Variants in AGBL1 observed in about 807,000 individuals in gnomAD.
AGBL1 encodes the protein cytosolic carboxypeptidase 4.
Under a neutral mutation model 118.9 loss-of-function variants are expected in AGBL1, and 130 were observed. The ratio of observed to expected loss-of-function variants is 1.09; its 90% CI spans 0.95 to 1.26. AGBL1 has a LOEUF of 1.26. Ranked by LOEUF, AGBL1 falls within the 50% of genes most tolerant of loss-of-function variation. The pLI is 0.00. For synonymous variants in AGBL1, 555 were observed against 478.9 expected, an observed-to-expected ratio of 1.16 and a Z score of -2.08; for missense variants, 1,584 against 1,298.1, an observed-to-expected ratio of 1.22 and a Z score of -3.38.
chr15:86,569,088 C>T (rs968707102), intron 21 of AGBL1, among the ~76,000 whole-genome samples: 5 of 151,822 alleles, frequency 3.3e-5, no homozygotes, highest in Non-Finnish European at 4.4e-5. Context: ...TTTCCAAATG[C>T]CTGTTTTGCC....
In AGBL1 at chr15:86,827,337, A is replaced by G. The variant is rs1381209885; in HGVS notation, c.3159-79750A>G. 1.9e-3 allele frequency among the ~76,000 whole-genome samples: 18 copies of G among 9,454 alleles called. 4 individuals are homozygous for G. The highest frequency in any genetic ancestry group is 0.015 in the African/African-American group (18 of 1,200). 6.2% of individuals were successfully genotyped at this position (9,454 alleles called of 152,430 possible). On this transcript the variant is annotated intron_variant, in intron 22 of 22. Coordinates refer to ENST00000614907, the MANE Select transcript of AGBL1 (RefSeq NM_001386094.1). ...TATATACACACACATATATATATAT[A>G]TGTGTATATATATATATATATATAT...
At chr15:86,948,571 C>G (rs1596664562) in intron 23 of AGBL1, among the ~76,000 whole-genome samples, 1 of 152,178 alleles carries the variant, frequency 6.6e-6, no homozygotes, top group Non-Finnish European at 1.5e-5. Flanking sequence ...ACTTTGTACA[C>G]TTAGAGGATT....
rs116559853 is a variant in AGBL1 at position 86,653,082 on chromosome 15, G to A, written c.2995-21191G>A. Among the ~76,000 whole-genome samples, 518 of 152,202 alleles carry A rather than the reference G, an allele frequency of 3.4e-3. 3 individuals are homozygous for A. The highest frequency in any genetic ancestry group is 0.012 in the African/African-American group (494 of 41,524). ...GAATGTATATTCATTTTATTTTCAC[G>A]AAAGATTAGTTCACCCATCAACCAG... is the stretch of plus-strand genomic sequence containing the variant. On this transcript the variant is annotated intron_variant, in intron 21 of 22. Transcript: ENST00000614907.
At chr15:86,120,578 G>T (rs1197175373) in intron 1 of AGBL1, among the ~76,000 whole-genome samples, 2 of 152,176 alleles carry the variant, frequency 1.3e-5, no homozygotes, top group African/African-American at 4.8e-5. Context: ...CACCTCCACT[G>T]CACAACAGCC....
chr15:86,079,945 C>G lies in AGBL1; in HGVS notation c.-28C>G. On this transcript the variant is annotated 5_prime_UTR_variant, in exon 1 of 23. Coordinates refer to ENST00000614907, the MANE Select transcript of AGBL1 (RefSeq NM_001386094.1). Reference sequence around the variant, plus strand: ...TCTCCAGCCTGGATCTGGCCGCAGGCAGCGGTTCCCTAGGACCCGAGAAAA... The same window carrying G: ...TCTCCAGCCTGGATCTGGCCGCAGGGAGCGGTTCCCTAGGACCCGAGAAAA... The G allele has an allele frequency of 1.6e-6, 2 of 1,231,698 alleles. No individual in the cohort carries two copies. Among genetic ancestry groups the G allele is most frequent in the Non-Finnish European group, 2.0e-6 (2 of 987,530 alleles). 76.3% of individuals were successfully genotyped at this position (1,231,698 alleles called of 1,614,324 possible). A position where few individuals can be genotyped will look rare whatever the true frequency, so the allele number is the denominator to read the frequency against.
intron 21 of AGBL1, among the ~76,000 whole-genome samples, chr15:86,651,074 T>C (rs1322651901): frequency 6.6e-6 from 1 of 152,220 alleles, no homozygotes; most frequent in African/African-American, 2.4e-5. Flanking sequence ...CTATGTTTCC[T>C]ATATTCCCCC....
At chr15:86,921,463 A>T (rs1396478747) in intron 23 of AGBL1, among the ~76,000 whole-genome samples, 1 of 152,232 alleles carries the variant, frequency 6.6e-6, no homozygotes, top group Non-Finnish European at 1.5e-5. Context: ...CAAACATCTC[A>T]TGACTCTAGC....
At chr15:86,477,083 T>G (rs1476622483) in intron 18 of AGBL1, among the ~76,000 whole-genome samples, 2 of 151,990 alleles carry the variant, frequency 1.3e-5, no homozygotes, top group Non-Finnish European at 2.9e-5. Context: ...TTTAAAGCAG[T>G]GTGTAGAGGG....
At chr15:86,568,938 A>T (rs1175107505) in intron 21 of AGBL1, among the ~76,000 whole-genome samples, 1 of 152,194 alleles carries the variant, frequency 6.6e-6, no homozygotes, top group Non-Finnish European at 1.5e-5. Context: ...ATGATTTAAA[A>T]GTTGAAAATA....
At chr15:86,857,834 C>T (rs918415537) in intron 22 of AGBL1, among the ~76,000 whole-genome samples, 3 of 152,172 alleles carry the variant, frequency 2.0e-5, no homozygotes, top group Non-Finnish European at 2.9e-5. Flanking sequence ...TAATCCACTC[C>T]AGTCGGCCTG....
chr15:86,553,134 C>T (rs2083686243), intron 20 of AGBL1, among the ~76,000 whole-genome samples: 2 of 152,268 alleles, frequency 1.3e-5, no homozygotes, highest in Non-Finnish European at 1.5e-5. Flanking sequence ...TGTCTAAAAG[C>T]CTAAGGCTTC....
intron 5 of AGBL1, among the ~76,000 whole-genome samples, chr15:86,223,779 A>C (rs1198739991): frequency 6.6e-6 from 1 of 152,208 alleles, no homozygotes; most frequent in East Asian, 1.9e-4. Flanking sequence ...CAATGCTTTC[A>C]CATGTACTGC....
intron 22 of AGBL1, among the ~76,000 whole-genome samples, chr15:86,882,219 G>T (rs2079903969): frequency 6.6e-6 from 1 of 152,114 alleles, no homozygotes. Context: ...GCTGTACTTT[G>T]TTTCCTAATC....
intron 5 of AGBL1, among the ~76,000 whole-genome samples, chr15:86,166,775 A>G (rs1019287383): frequency 9.9e-5 from 15 of 152,152 alleles, no homozygotes; most frequent in Non-Finnish European, 1.6e-4. Context: ...GGTGCTTGAT[A>G]TGTTGATATT....
intron 18 of AGBL1, among the ~76,000 whole-genome samples, chr15:86,519,896 T>C (rs73457662): frequency 0.066 from 9,995 of 152,276 alleles, 1,173 homozygotes; most frequent in African/African-American, 0.23. Flanking sequence ...GTGGTCCTCC[T>C]TTGTGTGCTG....
At chr15:86,452,495 T>C (rs939791199) in intron 18 of AGBL1, among the ~76,000 whole-genome samples, 2 of 152,168 alleles carry the variant, frequency 1.3e-5, no homozygotes, top group East Asian at 1.9e-4. Flanking sequence ...CATGGAAAAA[T>C]TGAGCCCTCC....
chr15:86,828,021 C>T (rs540180267), intron 22 of AGBL1, among the ~76,000 whole-genome samples: 2 of 133,982 alleles, frequency 1.5e-5, no homozygotes, highest in African/African-American at 5.6e-5. Flanking sequence ...GTCACTGCAA[C>T]CTTAAACTCC....
rs149098732 is a variant in AGBL1, at chr15:86,222,709, T to A, written c.489-2205T>A. ...TAAATATTTTCTAGTTTCTCAGGAA[T>A]AAGCCTCAATTTTTTTGATGAATGT... On this transcript the variant is annotated intron_variant, in intron 5 of 22. Coordinates refer to ENST00000614907, the MANE Select transcript of AGBL1 (RefSeq NM_001386094.1). Among the ~76,000 whole-genome samples the A allele has an allele frequency of 1.9e-3, 294 of 152,298 alleles. 1 individual carries two copies. Among genetic ancestry groups the A allele is most frequent in the Non-Finnish European group, 2.7e-3 (182 of 68,016 alleles).
chr15:86,815,941 C>T (rs114353586), intron 22 of AGBL1, among the ~76,000 whole-genome samples: 1,864 of 152,104 alleles, frequency 0.012, 26 homozygotes, highest in Middle Eastern at 0.061. Flanking sequence ...AAAGTAAGTT[C>T]GTTGTTCATG....
Sources: gnomAD v4.1 joint callset for allele counts (sites outside exome capture counted in the v4.1 genomes callset) on GRCh38, gnomAD v4.1.1 for gene constraint, MANE v1.5 for transcripts, NCBI Gene and HGNC (gene_info 2026-07-23, HGNC 2026-07-21) for gene names.